TMED3: variants seen among roughly 807,000 people sequenced by gnomAD.
The protein encoded by TMED3 is transmembrane p24 trafficking protein 3, also known as transmembrane emp24 domain-containing protein 3.
TMED3 carries 9 observed loss-of-function variants against 15.0 expected under a neutral mutation model. That is an observed-to-expected ratio of 0.60 (90% CI 0.36 to 1.04). The LOEUF is 1.04. Ranked by LOEUF, TMED3 falls within the 50% of genes least tolerant of loss-of-function variation. The pLI, the probability that TMED3 is intolerant of heterozygous loss-of-function variation, is 0.01. For synonymous variants in TMED3, 117 were observed against 121.4 expected (o/e 0.96, Z 0.24); for missense variants, 267 against 278.9 (o/e 0.96, Z 0.30).
chr15:79,413,348 G>A (rs1005044634), exon 3 of TMED3: 1 of 152,232 alleles, frequency 6.6e-6, no homozygotes, highest in Non-Finnish European at 1.5e-5. Context: ...GTAGAGCTCT[G>A]TGATCCACCC....
intron 2 of TMED3, among the ~76,000 whole-genome samples, chr15:79,403,425 C>T (rs1251225957): frequency 2.0e-5 from 3 of 151,996 alleles, no homozygotes; most frequent in Non-Finnish European, 4.4e-5. Flanking sequence ...GGGACCCCTC[C>T]TTCCCTAAGG....
intron 2 of TMED3, among the ~76,000 whole-genome samples, chr15:79,379,332 A>G (rs528224026): frequency 6.6e-6 from 1 of 152,216 alleles, no homozygotes; most frequent in South Asian, 2.1e-4. Context: ...AATATCTTCT[A>G]TATAACCTAA....
intron 2 of TMED3, among the ~76,000 whole-genome samples, chr15:79,349,027 A>G (rs964078216): frequency 1.3e-5 from 2 of 152,062 alleles, no homozygotes; most frequent in Admixed American, 1.3e-4. Flanking sequence ...TTGTAGAGAC[A>G]GGGTCTCCCT....
At chr15:79,356,285 C>A (rs1462406657) in intron 2 of TMED3, among the ~76,000 whole-genome samples, 2 of 152,172 alleles carry the variant, frequency 1.3e-5, no homozygotes, top group African/African-American at 2.4e-5. Context: ...ATTAGAACAA[C>A]CCCTTTCATT....
At chr15:79,367,310 A>C (rs1001790802) in intron 2 of TMED3, among the ~76,000 whole-genome samples, 1 of 152,280 alleles carries the variant, frequency 6.6e-6, no homozygotes, top group Admixed American at 6.5e-5. Flanking sequence ...TCAAACTTGA[A>C]GTCTTCTCAC....
At chr15:79,367,528 T>C (rs781026085) in intron 2 of TMED3, among the ~76,000 whole-genome samples, 27 of 152,154 alleles carry the variant, frequency 1.8e-4, no homozygotes, top group Non-Finnish European at 3.7e-4. Context: ...TTTCTAACAC[T>C]CTCTTGCAGA....
chr15:79,317,891 C>T (rs2058747879), intron 2 of TMED3, among the ~76,000 whole-genome samples: 1 of 152,242 alleles, frequency 6.6e-6, no homozygotes. Flanking sequence ...TCCCTTTCTG[C>T]ATCATAGCTG....
rs371602555 is a variant in TMED3 at position 79,313,855 on chromosome 15, G to A, written c.267G>A (p.Thr89=). The A allele has an allele frequency of 1.7e-4, 276 of 1,614,110 alleles. No homozygotes were observed. The highest frequency in any genetic ancestry group is 2.1e-4 in the Non-Finnish European group (244 of 1,180,050). Residue 89 remains threonine, a synonymous_variant, in exon 2 of 3, where the codon ACG becomes ACA. Coordinates refer to ENST00000299705, the MANE Select transcript of TMED3 (RefSeq NM_007364.4). The part of the protein sequence containing the change: ...RETKKQYDSF[T]YRAEVKGVYQ... ...CGAAGAAGCAGTACGACAGCTTCAC[G>A]TACCGGGCTGAAGTCAAGGGCGTTT...
chr15:79,357,464 C>CAAAA (rs59897659), intron 2 of TMED3, among the ~76,000 whole-genome samples: 12 of 87,646 alleles, frequency 1.4e-4, no homozygotes, highest in Non-Finnish European at 2.0e-4. Flanking sequence ...CACCCTGCCT[C>CAAAA]AAAAAAAAAA....
At chr15:79,386,163 T>A (rs1476446640) in intron 2 of TMED3, among the ~76,000 whole-genome samples, 1 of 152,206 alleles carries the variant, frequency 6.6e-6, no homozygotes, top group Non-Finnish European at 1.5e-5. Flanking sequence ...TTTTAATGGG[T>A]ACGGAGTTTC....
chr15:79,396,464 A>G (rs759200067), intron 2 of TMED3, among the ~76,000 whole-genome samples: 8 of 152,318 alleles, frequency 5.3e-5, no homozygotes, highest in Admixed American at 1.3e-4. Context: ...CATCCTAAGT[A>G]GAAACATCAA....
At chr15:79,327,378 A>G (rs1208751187), downstream of TMED3, among the ~76,000 whole-genome samples, 12 of 152,200 alleles carry the variant, frequency 7.9e-5, no homozygotes, top group Admixed American at 3.3e-4. Context: ...ATGTCACCCA[A>G]TCTGTGGTAT....
intron 2 of TMED3, among the ~76,000 whole-genome samples, chr15:79,344,567 C>T (rs2141230443): frequency 6.6e-6 from 1 of 152,230 alleles, no homozygotes; most frequent in South Asian, 2.1e-4. Context: ...AAGGATTTGT[C>T]ATTGGATTTA....
intron 2 of TMED3, among the ~76,000 whole-genome samples, chr15:79,353,237 ATATATATACTATATATAATATAT>A (rs2058902322): frequency 1.9e-5 from 1 of 52,148 alleles, no homozygotes; most frequent in Non-Finnish European, 3.3e-5. Flanking sequence ...AATATATAAA[ATATATATACTATATATAATATAT>A]ATTATATATA....
intron 2 of TMED3, chr15:79,411,298 C>A (rs1893975638): frequency 1.6e-5 from 10 of 632,960 alleles, no homozygotes; most frequent in Non-Finnish European, 2.9e-5. Context: ...AGGGGCTAGG[C>A]AATCAACAGA....
At chr15:79,316,176 A>G (rs975745755) in intron 2 of TMED3, among the ~76,000 whole-genome samples, 3 of 152,218 alleles carry the variant, frequency 2.0e-5, no homozygotes, top group Admixed American at 2.0e-4. Context: ...TCTGGCAAGA[A>G]AGTAAGTATT....
intron 2 of TMED3, among the ~76,000 whole-genome samples, chr15:79,384,968 A>G (rs1893604885): frequency 6.6e-6 from 1 of 152,202 alleles, no homozygotes; most frequent in Admixed American, 6.5e-5. Flanking sequence ...TTCAACTGAA[A>G]TATCCAGGTT....
At chr15:79,383,016 T>C in intron 2 of TMED3, 1 of 1,535,482 alleles carries the variant, frequency 6.5e-7, no homozygotes, top group Non-Finnish European at 8.7e-7. Flanking sequence ...GGTTCCAGTG[T>C]GATCACCATC....
In TMED3 at chr15:79,353,307, T is replaced by G. The variant is rs11855771; in HGVS notation, c.417+39302T>G. Among the ~76,000 whole-genome samples, 9 of 33,890 alleles carry G rather than the reference T, an allele frequency of 2.7e-4. 1 individual carries two copies. In the East Asian group the frequency reaches 3.0e-3, roughly 11 times the overall value. 22.2% of individuals were successfully genotyped at this position (33,890 alleles called of 152,430 possible). Reference sequence around the variant, plus strand: ...ATATATTATATGTATATTATATATATTATATATATAATATATATAATATAT... The same window carrying G: ...ATATATTATATGTATATTATATATAGTATATATATAATATATATAATATAT... On this transcript the variant is annotated intron_variant, in intron 2 of 2. Coordinates refer to the TMED3 transcript ENST00000424155.
Sources: gnomAD v4.1 joint callset for allele counts (sites outside exome capture counted in the v4.1 genomes callset) on GRCh38, gnomAD v4.1.1 for gene constraint, MANE v1.5 for transcripts, NCBI Gene and HGNC (gene_info 2026-07-23, HGNC 2026-07-21) for gene names.